Variants in ZNF710 observed in about 807,000 individuals in gnomAD.
The protein encoded by ZNF710 is zinc finger protein 710.
In ZNF710, 13 loss-of-function variants were observed where a neutral mutation model predicts 50.6. The ratio of observed to expected loss-of-function variants is 0.26; its 90% confidence interval spans 0.17 to 0.41. ZNF710 has a LOEUF of 0.41. Ranked by LOEUF, ZNF710 falls within the 10% of genes least tolerant of loss-of-function variation. ZNF710 has a pLI of 1.00. For missense variants in ZNF710, 721 were observed against 936.6 expected (o/e 0.77, Z 3.01); for synonymous variants, 383 against 397.0 (o/e 0.96, Z 0.42).
rs142677978 is a variant in ZNF710, at chr15:90,068,998, C to T, written c.1458+403C>T. Among the ~76,000 whole-genome samples the T allele has an allele frequency of 0.055, 8,382 of 152,062 alleles. 602 individuals are homozygous for T. Among genetic ancestry groups the T allele is most frequent in the East Asian group, 0.16 (829 of 5,164 alleles). On this transcript the variant is annotated intron_variant, in intron 2 of 4. Transcript: ENST00000268154. The surrounding 1 kb of genome is among the most constrained non-coding windows in gnomAD (Gnocchi z 5.0). ...ATCCCAGCACTTTGCGAGGCCAAGG[C>T]GGGCAGATCACCTGAGGTCAGGAGT... is the stretch of plus-strand genomic sequence containing the variant.
At chr15:90,074,398 TC>T in intron 4 of ZNF710, 108 bp downstream of exon 4, 1 of 1,568,748 alleles carries the variant, frequency 6.4e-7, no homozygotes, top group South Asian at 1.1e-5. Flanking sequence ...GGCTGAGACT[TC>T]GTTGGGGTGG....
At chr15:90,003,676 A>G (rs1898071050) in intron 1 of ZNF710, among the ~76,000 whole-genome samples, 1 of 152,204 alleles carries the variant, frequency 6.6e-6, no homozygotes, top group African/African-American at 2.4e-5. Flanking sequence ...CTGAAAACCT[A>G]GAGTGGCCAT....
chr15:90,030,109 C>T (rs1356836370), intron 1 of ZNF710, among the ~76,000 whole-genome samples: 13 of 150,916 alleles, frequency 8.6e-5, no homozygotes, highest in African/African-American at 1.9e-4. Flanking sequence ...GCGGATGGAT[C>T]GCCTGAGGTC....
chr15:90,004,402 C>T (rs1207943976), intron 1 of ZNF710, among the ~76,000 whole-genome samples: 1 of 152,228 alleles, frequency 6.6e-6, no homozygotes. Flanking sequence ...CCTGGCCCCA[C>T]CAGTGCTGAT....
In ZNF710 at chr15:90,040,696, C is replaced by T. The variant is rs999228248; in HGVS notation, c.-28-26414C>T. 5.3e-5 allele frequency among the ~76,000 whole-genome samples: 8 copies of T among 152,188 alleles called. No individual in the cohort carries two copies. Among genetic ancestry groups the T allele is most frequent in the South Asian group, 2.1e-4 (1 of 4,830 alleles). ...CTTCTAGTGCTAAAGCAGCAGGCCC[C>T]GCCCCACCTCGCTCCCCAACTCCAG... On this transcript the variant is annotated intron_variant, in intron 1 of 4. Transcript: ENST00000268154. The surrounding 1 kb of genome is among the most constrained non-coding windows in gnomAD (Gnocchi z 4.6).
intron 1 of ZNF710, among the ~76,000 whole-genome samples, chr15:90,038,707 C>CTGTGTGTGTGTGTGTG (rs144152063): frequency 0.02 from 2,883 of 143,574 alleles, 53 homozygotes; most frequent in African/African-American, 0.037. Flanking sequence ...CCTCCCTGCT[C>CTGTGTGTGTGTGTGTG]TGTGTGTGTG....
At chr15:90,023,357 C>T (rs1289428783) in intron 1 of ZNF710, among the ~76,000 whole-genome samples, 1 of 152,220 alleles carries the variant, frequency 6.6e-6, no homozygotes, top group Non-Finnish European at 1.5e-5. Context: ...TGCACAAGTT[C>T]TTCTGCTGGC....
At chr15:90,045,823 A>G (rs939071064) in intron 1 of ZNF710, among the ~76,000 whole-genome samples, 1 of 152,046 alleles carries the variant, frequency 6.6e-6, no homozygotes, top group African/African-American at 2.4e-5. Context: ...GAAAGCTTTG[A>G]GCTGGAGGCC....
At chr15:90,013,141 C>T (rs1898359597) in intron 1 of ZNF710, among the ~76,000 whole-genome samples, 1 of 152,078 alleles carries the variant, frequency 6.6e-6, no homozygotes, top group Non-Finnish European at 1.5e-5. Flanking sequence ...TCTTGTTGCC[C>T]AGGCTGGAGT....
intron 1 of ZNF710, chr15:90,002,639 A>G (rs749249371): frequency 2.0e-5 from 3 of 152,212 alleles, no homozygotes; most frequent in Admixed American, 6.5e-5. Flanking sequence ...CCCTTGGGCC[A>G]CCGCCCCCTT....
At chr15:90,046,424 C>T (rs961771318) in intron 1 of ZNF710, among the ~76,000 whole-genome samples, 5 of 152,122 alleles carry the variant, frequency 3.3e-5, no homozygotes, top group Admixed American at 1.3e-4. Context: ...ATCCCTGCCC[C>T]GCAGAGCCCA....
upstream of ZNF710, among the ~76,000 whole-genome samples, chr15:90,000,858 T>TGGGGG (rs202060107): frequency 6.6e-6 from 1 of 150,998 alleles, no homozygotes; most frequent in Non-Finnish European, 1.5e-5. Flanking sequence ...TGGCTTCCCT[T>TGGGGG]GGGGGGGGCG....
intron 1 of ZNF710, among the ~76,000 whole-genome samples, chr15:90,028,706 G>T (rs1429658448): frequency 6.6e-6 from 1 of 152,216 alleles, no homozygotes; most frequent in Non-Finnish European, 1.5e-5. Context: ...TTGTTGGGCA[G>T]TGTGGACAGA....
chr15:90,005,744 G>T lies in ZNF710; in HGVS notation c.-29+4130G>T, dbSNP rs568367409. Reference sequence around the variant, plus strand: ...ATTACAGGCGTGAGCCACTGCACCCGGCCTAAAACAATAGGTTTTGAATTG... The same window carrying T: ...ATTACAGGCGTGAGCCACTGCACCCTGCCTAAAACAATAGGTTTTGAATTG... On this transcript the variant is annotated intron_variant, in intron 1 of 4. Coordinates refer to ENST00000268154, the MANE Select transcript of ZNF710 (RefSeq NM_198526.4). 3.3e-5 allele frequency among the ~76,000 whole-genome samples: 5 copies of T among 152,320 alleles called. No homozygotes were observed. The South Asian group carries it at 1.0e-3, about 32-fold the overall frequency.
intron 1 of ZNF710, among the ~76,000 whole-genome samples, chr15:90,021,015 C>CA (rs1022654504): frequency 4.7e-5 from 5 of 105,386 alleles, no homozygotes; most frequent in Non-Finnish European, 6.9e-5. Flanking sequence ...TGGCACCCCC[C>CA]CCCCCTTAGC....
chr15:90,040,251 C>T lies in ZNF710; in HGVS notation c.-28-26859C>T, dbSNP rs890072347. Reference sequence around the variant, plus strand: ...ATCATACCGCCTTTGTTGAGGAAGTCGTGTCTGAGGATCTGGTCCCCAGCT... The same window carrying T: ...ATCATACCGCCTTTGTTGAGGAAGTTGTGTCTGAGGATCTGGTCCCCAGCT... On this transcript the variant is annotated intron_variant, in intron 1 of 4. Transcript: ENST00000268154. This position sits in a 1 kb window ranked among gnomAD's most constrained non-coding sequence, Gnocchi z 4.6. Among the ~76,000 whole-genome samples, 3 of 152,184 alleles carry T rather than the reference C, an allele frequency of 2.0e-5. No homozygotes were observed. Among genetic ancestry groups the T allele is most frequent in the East Asian group, 1.9e-4 (1 of 5,190 alleles).
intron 1 of ZNF710, among the ~76,000 whole-genome samples, chr15:90,054,034 C>T (rs2151510725): frequency 6.6e-6 from 1 of 152,250 alleles, no homozygotes; most frequent in Admixed American, 6.5e-5. Flanking sequence ...TCCTTTCTTC[C>T]TTCTTTTCTT....
intron 1 of ZNF710, among the ~76,000 whole-genome samples, chr15:90,048,693 C>T (rs1899543915): frequency 1.3e-5 from 2 of 152,142 alleles, no homozygotes. Context: ...TCTTGTACTT[C>T]GTTTAGGAAT....
At chr15:90,074,330 C>T (rs1271992016) in intron 4 of ZNF710, 40 bp downstream of exon 4, 4 of 1,606,328 alleles carry the variant, frequency 2.5e-6, no homozygotes, top group African/African-American at 1.3e-5. Context: ...AGGAATGATA[C>T]CAACATGACG....
Sources: allele counts gnomAD v4.1 joint callset (sites outside exome capture counted in the v4.1 genomes callset), GRCh38; gene constraint gnomAD v4.1.1; non-coding constraint Gnocchi (gnomAD v3.1); transcripts MANE v1.5; gene names NCBI Gene and HGNC (gene_info 2026-07-23, HGNC 2026-07-21).